Variants in GALNT17 observed in about 807,000 individuals in gnomAD.
The protein encoded by GALNT17 is polypeptide N-acetylgalactosaminyltransferase 17.
Under a neutral mutation model 63.7 loss-of-function variants are expected in GALNT17, and 29 were observed. The observed-to-expected ratio is 0.46, with a 90% confidence interval of 0.34 to 0.62. GALNT17 has a LOEUF of 0.62. GALNT17 is among the 20% of genes least tolerant of loss of function. The pLI, the probability that GALNT17 is intolerant of heterozygous loss-of-function variation, is 0.01. For synonymous variants in GALNT17, 305 were observed against 318.3 expected (o/e 0.96, Z 0.45); for missense variants, 603 against 799.6 (o/e 0.75, Z 2.97).
intron 1 of GALNT17, among the ~76,000 whole-genome samples, chr7:71,194,079 T>C (rs1789002212): frequency 1.3e-5 from 2 of 152,156 alleles, no homozygotes; most frequent in Admixed American, 1.3e-4. Context: ...AGGGTCTTGT[T>C]CTGTCACCCA....
At chr7:71,421,727 A>C (rs1051491527) in intron 5 of GALNT17, among the ~76,000 whole-genome samples, 6 of 152,174 alleles carry the variant, frequency 3.9e-5, no homozygotes, top group African/African-American at 1.4e-4. Flanking sequence ...AAGTGGGTGG[A>C]TCACTTGAAG....
In GALNT17 at chr7:71,710,831, C is replaced by T; in HGVS notation, c.1571C>T (p.Thr524Ile). ...GGGACCACCACACTCCTCCCTGACACCCGCTGCCTGGTGGACAACTCCAAG... is the reference window on the plus strand; with the variant it reads ...GGGACCACCACACTCCTCCCTGACATCCGCTGCCTGGTGGACAACTCCAAG... Reference protein sequence around the residue: ...ALGTTTLLPDTRCLVDNSKSR... With the variant: ...ALGTTTLLPDIRCLVDNSKSR... Residue 524 changes from threonine (T) to isoleucine (I), a missense_variant, in exon 10 of 11, where the codon ACC becomes ATC. Physicochemically the swap from Thr to Ile is moderately conservative, Grantham distance 89. Coordinates refer to ENST00000333538, the MANE Select transcript of GALNT17 (RefSeq NM_022479.3). 1 of 1,613,830 alleles carries T rather than the reference C, an allele frequency of 6.2e-7. No individual in the cohort carries two copies. Among genetic ancestry groups the T allele is most frequent in the Non-Finnish European group, 8.5e-7 (1 of 1,179,980 alleles).
chr7:71,476,923 G>T (rs982721008), intron 5 of GALNT17, among the ~76,000 whole-genome samples: 1 of 152,144 alleles, frequency 6.6e-6, no homozygotes, highest in Non-Finnish European at 1.5e-5. Flanking sequence ...CACAGGGTAG[G>T]GGGAGGCGCC....
chr7:71,465,154 T>A (rs1424887979), intron 5 of GALNT17, among the ~76,000 whole-genome samples: 1 of 152,190 alleles, frequency 6.6e-6, no homozygotes, highest in East Asian at 1.9e-4. Context: ...TTGTGAAAAT[T>A]CTTTTTCCTT....
At chr7:71,276,026 T>A (rs1220365164) in intron 1 of GALNT17, among the ~76,000 whole-genome samples, 1 of 152,208 alleles carries the variant, frequency 6.6e-6, no homozygotes, top group Non-Finnish European at 1.5e-5. Context: ...GCACTTAATT[T>A]TGTGATTTGT....
chr7:71,363,392 C>T (rs1792443004), intron 2 of GALNT17, among the ~76,000 whole-genome samples: 1 of 152,236 alleles, frequency 6.6e-6, no homozygotes, highest in South Asian at 2.1e-4. Flanking sequence ...AGTCCTTACC[C>T]TCAGAGCAGA....
intron 8 of GALNT17, among the ~76,000 whole-genome samples, chr7:71,671,952 C>A (rs1485400479): frequency 6.8e-6 from 1 of 148,106 alleles, no homozygotes; most frequent in Non-Finnish European, 1.5e-5. Flanking sequence ...TGCTTGAACC[C>A]GATAGGCAGA....
chr7:71,523,201 G>A (rs1343489850), intron 5 of GALNT17, among the ~76,000 whole-genome samples: 1 of 152,188 alleles, frequency 6.6e-6, no homozygotes, highest in Non-Finnish European at 1.5e-5. Flanking sequence ...CAAGGTGGGA[G>A]AATAGTTGAG....
intron 5 of GALNT17, among the ~76,000 whole-genome samples, chr7:71,511,595 G>A (rs1414015353): frequency 2.0e-5 from 3 of 152,146 alleles, no homozygotes; most frequent in Non-Finnish European, 4.4e-5. Context: ...TAGGACATGG[G>A]CCCTGTCACT....
intron 6 of GALNT17, among the ~76,000 whole-genome samples, chr7:71,662,324 A>C (rs930197673): frequency 2.7e-5 from 4 of 150,832 alleles, no homozygotes; most frequent in African/African-American, 9.7e-5. Context: ...CTGTTTATCT[A>C]TCTATCTATC....
chr7:71,698,278 A>ATGTACTG (rs1791575903), intron 9 of GALNT17, among the ~76,000 whole-genome samples: 1 of 152,214 alleles, frequency 6.6e-6, no homozygotes, highest in East Asian at 1.9e-4. Flanking sequence ...CTTCTAAAGA[A>ATGTACTG]TGTACTGTAG....
Position 71,133,043 on chromosome 7 carries a change from A to G in GALNT17, c.238+3A>G. On this transcript the variant is annotated splice_donor_region_variant and intron_variant, in intron 1 of 10. Transcript: ENST00000333538. ...CATCGTGTACCGGCAGCTGAATGGTAAGGACGCACGCCGGCGCCTCCGGGG... is the reference window on the plus strand; with the variant it reads ...CATCGTGTACCGGCAGCTGAATGGTGAGGACGCACGCCGGCGCCTCCGGGG... 1.3e-6 allele frequency: 2 copies of G among 1,559,650 alleles called. No homozygotes were observed. The highest frequency in any genetic ancestry group is 1.7e-6 in the Non-Finnish European group (2 of 1,154,798).
At chr7:71,446,331 A>G (rs1787159723) in intron 5 of GALNT17, among the ~76,000 whole-genome samples, 1 of 152,246 alleles carries the variant, frequency 6.6e-6, no homozygotes, top group African/African-American at 2.4e-5. Context: ...TCAAAAATAC[A>G]AAAGATCATT....
At chr7:71,134,835 G>GT (rs561383417) in intron 1 of GALNT17, among the ~76,000 whole-genome samples, 1,400 of 57,888 alleles carry the variant, frequency 0.024, 193 homozygotes, top group Non-Finnish European at 0.031. Flanking sequence ...TTGTTTTATG[G>GT]TTTTTTTTTT....
chr7:71,271,401 C>T (rs1397492305), intron 1 of GALNT17, among the ~76,000 whole-genome samples: 2 of 152,160 alleles, frequency 1.3e-5, no homozygotes, highest in Non-Finnish European at 2.9e-5. Flanking sequence ...GTGGCACTGA[C>T]CAGTGGCCAC....
chr7:71,400,779 A>G (rs891922744), intron 3 of GALNT17, among the ~76,000 whole-genome samples: 1 of 152,234 alleles, frequency 6.6e-6, no homozygotes, highest in Non-Finnish European at 1.5e-5. Context: ...ACTGAAGCTG[A>G]ATCACATGAT....
chr7:71,282,486 C>T (rs1003316693), intron 1 of GALNT17, among the ~76,000 whole-genome samples: 4 of 152,230 alleles, frequency 2.6e-5, no homozygotes, highest in Non-Finnish European at 5.9e-5. Context: ...CTGTGTCAGG[C>T]ACATAGCAGA....
At chr7:71,431,692 C>A (rs1203990412) in intron 5 of GALNT17, among the ~76,000 whole-genome samples, 1 of 152,028 alleles carries the variant, frequency 6.6e-6, no homozygotes, top group Non-Finnish European at 1.5e-5. Flanking sequence ...CTGGACCTTG[C>A]CAGCTGGAGG....
intron 5 of GALNT17, among the ~76,000 whole-genome samples, chr7:71,453,937 C>T (rs141468196): frequency 6.6e-6 from 1 of 152,266 alleles, no homozygotes; most frequent in African/African-American, 2.4e-5. Context: ...GTCTTTCTTC[C>T]AAGAGCTTTT....
Sources: allele counts gnomAD v4.1 joint callset (sites outside exome capture counted in the v4.1 genomes callset), GRCh38; gene constraint gnomAD v4.1.1; transcripts MANE v1.5; gene names NCBI Gene and HGNC (gene_info 2026-07-23, HGNC 2026-07-21).